The following IQCJ variants were observed in gnomAD, a reference collection of about 807,000 sequenced individuals.
The protein encoded by IQCJ is IQ motif containing J.
A neutral mutation model predicts 11.0 loss-of-function variants in IQCJ; 9 were observed. The observed-to-expected ratio is 0.82, with a 90% CI of 0.49 to 1.43. The LOEUF is 1.43. Ranked by LOEUF, IQCJ falls within the 40% of genes most tolerant of loss-of-function variation. The pLI is 0.00. For missense variants in IQCJ, 146 were observed against 133.2 expected (o/e 1.10, Z -0.47); for synonymous variants, 55 against 51.3 (o/e 1.07, Z -0.31).
At chr3:159,245,764 T>C (rs1384462906) in intron 1 of IQCJ, 79 bp from the exon 2 acceptor site, 1 of 1,224,576 alleles carries the variant, frequency 8.2e-7, no homozygotes, top group Non-Finnish European at 1.2e-6. Context: ...GTATCAATTT[T>C]GCTAACAGTT....
At chr3:159,123,029 G>A (rs1719467705) in intron 1 of IQCJ, among the ~76,000 whole-genome samples, 1 of 152,088 alleles carries the variant, frequency 6.6e-6, no homozygotes, top group South Asian at 2.1e-4. Context: ...TGGAGAGGCA[G>A]GGGAACTAGA....
chr3:159,198,162 G>A (rs1014069734), intron 1 of IQCJ, among the ~76,000 whole-genome samples: 1 of 152,156 alleles, frequency 6.6e-6, no homozygotes, highest in Non-Finnish European at 1.5e-5. Context: ...CAGAAATTGG[G>A]AAGTTTCCTC....
chr3:159,193,856 G>C (rs892031224), intron 1 of IQCJ, among the ~76,000 whole-genome samples: 48 of 152,230 alleles, frequency 3.2e-4, no homozygotes, highest in African/African-American at 1.1e-3. Flanking sequence ...CATGATGTCT[G>C]GCTTATGTGT....
At position 159,090,867 on chromosome 3, in the gene IQCJ, T is replaced by C. The variant is rs531771719; in HGVS notation, c.9+21426T>C. Among the ~76,000 whole-genome samples, 75 of 152,026 alleles carry C rather than the reference T, an allele frequency of 4.9e-4. 3 individuals carry two copies. The highest frequency in any genetic ancestry group is 1.7e-3 in the African/African-American group (69 of 41,278). On this transcript the variant is annotated intron_variant, in intron 1 of 3. Coordinates refer to ENST00000397832, the MANE Select transcript of IQCJ (RefSeq NM_001042706.3). ...AAAATTGTTCAGTTGTCTGGTTTCATGTGGACATAACATAAAAGCCTTACC... is the reference window on the plus strand; with the variant it reads ...AAAATTGTTCAGTTGTCTGGTTTCACGTGGACATAACATAAAAGCCTTACC...
chr3:159,092,673 G>A (rs1717403026), intron 1 of IQCJ, among the ~76,000 whole-genome samples: 1 of 139,274 alleles, frequency 7.2e-6, no homozygotes, highest in African/African-American at 3.0e-5. Flanking sequence ...ACTCCAGCCT[G>A]GGCGACAGAG....
intron 1 of IQCJ, among the ~76,000 whole-genome samples, chr3:159,184,178 A>G (rs1401066246): frequency 1.3e-5 from 2 of 151,786 alleles, no homozygotes; most frequent in African/African-American, 4.8e-5. Flanking sequence ...TCTCCCCCTA[A>G]CTTACTATAC....
intron 1 of IQCJ, among the ~76,000 whole-genome samples, chr3:159,171,114 A>C (rs2108237587): frequency 6.6e-6 from 1 of 152,226 alleles, no homozygotes; most frequent in African/African-American, 2.4e-5. Flanking sequence ...TAGGTAAACA[A>C]ATATGGCCAG....
chr3:159,102,256 A>G (rs1342081550), intron 1 of IQCJ, among the ~76,000 whole-genome samples: 1 of 152,222 alleles, frequency 6.6e-6, no homozygotes, highest in African/African-American at 2.4e-5. Context: ...GTCACTGGAT[A>G]AAGATTCTGT....
chr3:159,144,665 C>CACACACACACACACACACAG (rs1720823462), intron 1 of IQCJ, among the ~76,000 whole-genome samples: 1 of 29,826 alleles, frequency 3.4e-5, no homozygotes, highest in Non-Finnish European at 8.1e-5. Context: ...CACACAGACA[C>CACACACACACACACACACAG]ACACACACAC....
At chr3:159,250,953 C>T (rs1279157890) in intron 2 of IQCJ, among the ~76,000 whole-genome samples, 2 of 152,206 alleles carry the variant, frequency 1.3e-5, no homozygotes, top group East Asian at 3.9e-4. Flanking sequence ...CTAGTGTTTT[C>T]ACCATTTTAT....
chr3:159,214,672 C>A (rs1241734119), intron 1 of IQCJ, among the ~76,000 whole-genome samples: 1 of 152,162 alleles, frequency 6.6e-6, no homozygotes, highest in African/African-American at 2.4e-5. Context: ...ATAACATAGG[C>A]CCTTTCCATC....
At chr3:159,127,291 C>T (rs983643278) in intron 1 of IQCJ, among the ~76,000 whole-genome samples, 1 of 152,134 alleles carries the variant, frequency 6.6e-6, no homozygotes, top group Non-Finnish European at 1.5e-5. Flanking sequence ...GTTGGGGAGG[C>T]AGGGGTTGGC....
In IQCJ at chr3:159,228,695, G is replaced by A. The variant is rs191307525; in HGVS notation, c.10-17148G>A. ...AGTCCCAGCTACTTGGGAGGCTGAG[G>A]CAGGACAGTGGCCAGGAGAGTGGCG... is the stretch of plus-strand genomic sequence containing the variant. On this transcript the variant is annotated intron_variant, in intron 1 of 3. Coordinates refer to ENST00000397832, the MANE Select transcript of IQCJ (RefSeq NM_001042706.3). Among the ~76,000 whole-genome samples the A allele has an allele frequency of 2.8e-3, 427 of 152,110 alleles. 3 individuals carry two copies. Among genetic ancestry groups the A allele is most frequent in the South Asian group, 0.013 (63 of 4,820 alleles).
intron 1 of IQCJ, among the ~76,000 whole-genome samples, chr3:159,220,262 T>A (rs867853532): frequency 6.6e-6 from 1 of 152,114 alleles, no homozygotes; most frequent in African/African-American, 2.4e-5. Flanking sequence ...CCCCAATTCA[T>A]ATGTTGAAGC....
chr3:159,121,949 G>A (rs982030018), intron 1 of IQCJ, among the ~76,000 whole-genome samples: 8 of 151,972 alleles, frequency 5.3e-5, no homozygotes, highest in African/African-American at 1.9e-4. Flanking sequence ...GTCTTACTCA[G>A]TTCAGGCTGC....
At chr3:159,161,064 G>A (rs1721822973) in intron 1 of IQCJ, among the ~76,000 whole-genome samples, 1 of 152,164 alleles carries the variant, frequency 6.6e-6, no homozygotes, top group Non-Finnish European at 1.5e-5. Context: ...GGATGGCTAG[G>A]TCAAATGATA....
At chr3:159,176,799 A>C (rs1463013694) in intron 1 of IQCJ, among the ~76,000 whole-genome samples, 3 of 152,178 alleles carry the variant, frequency 2.0e-5, no homozygotes, top group Admixed American at 6.6e-5. Flanking sequence ...GTTCAGTAGC[A>C]CATGTAGCTG....
intron 2 of IQCJ, among the ~76,000 whole-genome samples, chr3:159,248,579 G>A (rs1727407664): frequency 6.6e-6 from 1 of 152,136 alleles, no homozygotes; most frequent in South Asian, 2.1e-4. Flanking sequence ...CTTAGAATCA[G>A]CTGGGGAGCT....
chr3:159,127,873 G>A (rs943116684), intron 1 of IQCJ, among the ~76,000 whole-genome samples: 6 of 152,162 alleles, frequency 3.9e-5, no homozygotes, highest in Non-Finnish European at 8.8e-5. Context: ...AGATTTTGCT[G>A]CAGTGCAGAA....
Sources: allele counts gnomAD v4.1 joint callset (sites outside exome capture counted in the v4.1 genomes callset), GRCh38; gene constraint gnomAD v4.1.1; transcripts MANE v1.5; gene names NCBI Gene and HGNC (gene_info 2026-07-23, HGNC 2026-07-21).